KIF4A: variants seen among roughly 807,000 people sequenced by gnomAD.
KIF4A encodes the protein chromosome-associated kinesin KIF4A.
KIF4A carries 7 observed loss-of-function variants against 105.9 expected under a neutral mutation model. That is an observed-to-expected ratio of 0.07 (90% confidence interval 0.04 to 0.12). KIF4A has a LOEUF of 0.12. KIF4A is among the 10% of genes least tolerant of loss of function. The pLI is 1.00. For synonymous variants in KIF4A, 281 were observed against 331.3 expected, an observed-to-expected ratio of 0.85 and a Z score of 1.65; for missense variants, 558 against 929.2, an observed-to-expected ratio of 0.60 and a Z score of 5.19.
intron 24 of KIF4A, 132 bp downstream of exon 24, chrX:70,404,166 AAAG>A (rs2086291800): frequency 4.4e-6 from 3 of 679,238 alleles, no homozygotes; most frequent in Non-Finnish European, 4.4e-6. Flanking sequence ...TTGCAAATAA[AAAG>A]AAACCTGAAG....
chrX:70,417,504 G>A (rs2086349212), intron 28 of KIF4A, among the ~76,000 whole-genome samples: 2 of 111,792 alleles, frequency 1.8e-5, no homozygotes, highest in Admixed American at 9.5e-5. Context: ...AAAAGTAGCC[G>A]GGCATGGTGG....
At chrX:70,371,755 T>TC (rs1359817920) in intron 15 of KIF4A, among the ~76,000 whole-genome samples, 3 of 106,436 alleles carry the variant, frequency 2.8e-5, no homozygotes, top group African/African-American at 1.0e-4. Flanking sequence ...GAGACGCTCC[T>TC]CACTTCCCAG....
At chrX:70,370,640 A>G (rs2086127297) in intron 15 of KIF4A, among the ~76,000 whole-genome samples, 1 of 110,411 alleles carries the variant, frequency 9.1e-6, no homozygotes, top group African/African-American at 3.3e-5. Context: ...TAGTGGTTTT[A>G]AATATGCAGG....
intron 7 of KIF4A, among the ~76,000 whole-genome samples, chrX:70,303,838 C>T (rs1033441091): frequency 2.2e-4 from 24 of 110,465 alleles, no homozygotes; most frequent in Non-Finnish European, 3.8e-4. Context: ...CAAGGAGAAG[C>T]CCCATATTCA....
chrX:70,400,022 C>CTT (rs754693441), intron 22 of KIF4A, among the ~76,000 whole-genome samples: 58 of 97,983 alleles, frequency 5.9e-4, no homozygotes, highest in African/African-American at 2.0e-3. Flanking sequence ...GCAACTAACT[C>CTT]TTTTTTTTTT....
intron 15 of KIF4A, among the ~76,000 whole-genome samples, chrX:70,357,738 C>T (rs2086057738): frequency 8.9e-6 from 1 of 112,280 alleles, no homozygotes; most frequent in African/African-American, 3.2e-5. Flanking sequence ...CCATTGTCTT[C>T]TGTTTCCAGT....
intron 29 of KIF4A, among the ~76,000 whole-genome samples, chrX:70,418,703 G>C (rs941615318): frequency 1.8e-5 from 2 of 112,091 alleles, no homozygotes; most frequent in African/African-American, 6.5e-5. Flanking sequence ...GTGATATACA[G>C]TAATTCTAGC....
chrX:70,368,043 C>T (rs187954548), intron 15 of KIF4A, among the ~76,000 whole-genome samples: 34 of 112,044 alleles, frequency 3.0e-4, no homozygotes, highest in Admixed American at 1.1e-3. Flanking sequence ...TTGATCACGT[C>T]GGCTACTGAG....
In KIF4A at chrX:70,420,447, C is replaced by A; in HGVS notation, c.*182C>A. The A allele has an allele frequency of 1.7e-6, 1 of 594,408 alleles. No individual in the cohort carries two copies. Among genetic ancestry groups the A allele is most frequent in the Non-Finnish European group, 2.6e-6 (1 of 390,430 alleles). The allele number at this position is 594,408 out of a possible 1,213,427, so 49.0% of individuals were successfully genotyped here. A position where few individuals can be genotyped will look rare whatever the true frequency, so the allele number is the denominator to read the frequency against. On this transcript the variant is annotated 3_prime_UTR_variant, in exon 31 of 31. Transcript: ENST00000374403. The stretch of plus-strand genomic sequence containing the variant: ...GTGGGCCTTAGCCTCCAGGTCCAGA[C>A]TACTACTCTATGTTCTCCAGAAGGG...
At chrX:70,394,006 C>T (rs763460176) in intron 20 of KIF4A, among the ~76,000 whole-genome samples, 17 of 107,825 alleles carry the variant, frequency 1.6e-4, no homozygotes, top group Admixed American at 5.1e-4. Context: ...GCTCAGATTA[C>T]AGGCACATGC....
At chrX:70,395,339 A>C (rs2086255202) in intron 20 of KIF4A, among the ~76,000 whole-genome samples, 1 of 112,546 alleles carries the variant, frequency 8.9e-6, no homozygotes, top group South Asian at 3.6e-4. Context: ...ATATTTATTT[A>C]TTAAATAGAA....
At chrX:70,406,738 T>A (rs1205579056) in intron 27 of KIF4A, among the ~76,000 whole-genome samples, 155 bp from the exon 28 acceptor site, 1 of 112,144 alleles carries the variant, frequency 8.9e-6, no homozygotes, top group Non-Finnish European at 1.9e-5. Context: ...AAGCAGAATT[T>A]CTTCTGATTG....
chrX:70,381,758 C>T (rs1431698255), intron 18 of KIF4A, among the ~76,000 whole-genome samples: 1 of 111,592 alleles, frequency 9.0e-6, no homozygotes, highest in Non-Finnish European at 1.9e-5. Context: ...CTTCAGATTG[C>T]CTTACAGATG....
chrX:70,383,908 G>C (rs1294490529), intron 18 of KIF4A, among the ~76,000 whole-genome samples: 1 of 111,812 alleles, frequency 8.9e-6, no homozygotes, highest in Non-Finnish European at 1.9e-5. Flanking sequence ...TGGGGTTGTA[G>C]GGTGATCACT....
Position 70,386,719 on chromosome X carries a change from G to C in KIF4A, c.2118+18G>C, listed in dbSNP as rs750606762. 4.6e-6 allele frequency: 5 copies of C among 1,090,430 alleles called. No individual in the cohort carries two copies. The African/African-American group carries it at 9.1e-5, about 20-fold the overall frequency. 89.9% of individuals were successfully genotyped at this position (1,090,430 alleles called of 1,213,427 possible). A position where few individuals can be genotyped will look rare whatever the true frequency, so the allele number is the denominator to read the frequency against. ...CGGAGGAGGTAAGAAAATTCAATCT[G>C]CTAGGTCAAGTGTATTGTCATCTTC... is the stretch of plus-strand genomic sequence containing the variant. On this transcript the variant is annotated intron_variant, in intron 19 of 30. Transcript: ENST00000374403.
intron 20 of KIF4A, among the ~76,000 whole-genome samples, chrX:70,390,587 T>C (rs934312115): frequency 3.6e-5 from 4 of 111,832 alleles, no homozygotes; most frequent in Non-Finnish European, 7.5e-5. Context: ...TATTCTGTTA[T>C]ATGGCAAATG....
chrX:70,371,617 C>A lies in KIF4A; in HGVS notation c.1675-2534C>A, dbSNP rs1222265023. ...GCCGGGCGGGGGGCTGACCCCCCCA[C>A]CTCCCTCCCGGATGGGGCGGCTGGC... On this transcript the variant is annotated intron_variant, in intron 15 of 30. Coordinates refer to ENST00000374403, the MANE Select transcript of KIF4A (RefSeq NM_012310.5). 6.6e-5 allele frequency among the ~76,000 whole-genome samples: 7 copies of A among 105,822 alleles called. No individual in the cohort carries two copies. The East Asian group carries it at 2.2e-3, about 33-fold the overall frequency. 91.9% of individuals were successfully genotyped at this position (105,822 alleles called of 115,157 possible). A position where few individuals can be genotyped will look rare whatever the true frequency, so the allele number is the denominator to read the frequency against.
intron 15 of KIF4A, among the ~76,000 whole-genome samples, chrX:70,372,092 C>T (rs867142860): frequency 1.0e-4 from 11 of 107,104 alleles, no homozygotes; most frequent in Non-Finnish European, 2.1e-4. Flanking sequence ...GGATGGCGGC[C>T]GGGAAGAGGC....
At chrX:70,329,585 G>C in intron 8 of KIF4A, 64 bp downstream of exon 8, 1 of 913,357 alleles carries the variant, frequency 1.1e-6, no homozygotes, top group East Asian at 3.1e-5. Flanking sequence ...AGACAGCAAA[G>C]ATGAAATAGG....
Sources: gnomAD v4.1 joint callset for allele counts (sites outside exome capture counted in the v4.1 genomes callset) on GRCh38, gnomAD v4.1.1 for gene constraint, MANE v1.5 for transcripts, NCBI Gene and HGNC (gene_info 2026-07-23, HGNC 2026-07-21) for gene names.